The following TAF7L variants were observed in gnomAD, a reference collection of about 807,000 sequenced individuals.
The protein encoded by TAF7L is TATA-box binding protein associated factor 7 like.
TAF7L carries 6 observed loss-of-function variants against 30.2 expected under a neutral mutation model. The observed-to-expected ratio is 0.20, with a 90% CI of 0.11 to 0.39. The LOEUF (loss-of-function observed/expected upper bound fraction) is 0.39. TAF7L is among the 10% of genes least tolerant of loss of function. The pLI is 1.00. For synonymous variants in TAF7L, 93 were observed against 94.5 expected (o/e 0.98, Z 0.09); for missense variants, 284 against 277.1 (o/e 1.03, Z -0.18).
upstream of TAF7L, chrX:101,292,869 G>A: frequency 8.3e-7 from 1 of 1,211,641 alleles, no homozygotes; most frequent in Non-Finnish European, 1.1e-6. Flanking sequence ...TGTCCTCGTC[G>A]GCAGGAATCT....
At position 101,279,045 on chromosome X, in the gene TAF7L, A is replaced by G; in HGVS notation, c.463-10T>C. 8.4e-7 allele frequency: 1 copy of G among 1,185,385 alleles called. No individual in the cohort carries two copies. The highest frequency in any genetic ancestry group is 1.1e-6 in the Non-Finnish European group (1 of 872,707). The stretch of plus-strand genomic sequence containing the variant: ...CTTTGACATCAGGGACCTATGAAAT[A>G]AAACACAATAAACAAGTTATATTAT... On this transcript the variant is annotated splice_polypyrimidine_tract_variant and intron_variant, in intron 6 of 12. Coordinates refer to ENST00000356784, the MANE Select transcript of TAF7L (RefSeq NM_001168474.2).
upstream of TAF7L, among the ~76,000 whole-genome samples, chrX:101,291,638 G>A (rs904359835): frequency 9.0e-6 from 1 of 110,976 alleles, no homozygotes; most frequent in Admixed American, 9.5e-5. Context: ...AGGCCAAGGC[G>A]GGCAGATCTC....
upstream of TAF7L, chrX:101,291,352 T>A: frequency 1.4e-6 from 1 of 726,816 alleles, no homozygotes; most frequent in Non-Finnish European, 1.6e-6. Context: ...TGCCGGCGCC[T>A]GGACAGTAAA....
chrX:101,279,546 G>A (rs192651635), intron 6 of TAF7L, among the ~76,000 whole-genome samples: 17 of 111,230 alleles, frequency 1.5e-4, no homozygotes, highest in African/African-American at 4.6e-4. Flanking sequence ...GCTTGAACCC[G>A]GGAGGCAGAG....
At chrX:101,289,065 C>T (rs962599027) in intron 1 of TAF7L, among the ~76,000 whole-genome samples, 3 of 111,990 alleles carry the variant, frequency 2.7e-5, no homozygotes, top group East Asian at 5.5e-4. Context: ...CCTCCCGCTA[C>T]TCCAGCCTGT....
chrX:101,280,176 T>C (rs1924362426), intron 6 of TAF7L, among the ~76,000 whole-genome samples: 1 of 111,440 alleles, frequency 9.0e-6, no homozygotes, highest in African/African-American at 3.3e-5. Context: ...CTAAAAACTT[T>C]TGCTCTCTGA....
At chrX:101,275,407 C>A in intron 11 of TAF7L, 126 bp from the exon 12 acceptor site, 2 of 490,139 alleles carry the variant, frequency 4.1e-6, no homozygotes, top group South Asian at 7.5e-5. Flanking sequence ...CTTCCTCTGT[C>A]ACCCAGGCTG....
chrX:101,282,318 G>A lies in TAF7L; in HGVS notation c.406+9C>T. The A allele has an allele frequency of 1.7e-6, 2 of 1,210,827 alleles. No individual in the cohort carries two copies. Among genetic ancestry groups the A allele is most frequent in the South Asian group, 3.5e-5 (2 of 56,881 alleles). On this transcript the variant is annotated intron_variant, in intron 5 of 12. Coordinates refer to ENST00000356784, the MANE Select transcript of TAF7L (RefSeq NM_001168474.2). ...GTCAGCAGGAATGAGCAAGGGGCTG[G>A]TGACTTACTGCCATGCTTCCAGACA...
At position 101,281,654 on chromosome X, in the gene TAF7L, C is replaced by CT. The variant is rs780186802; in HGVS notation, c.462+65dup. 13 of 1,043,680 alleles carry CT rather than the reference C, an allele frequency of 1.2e-5. No homozygotes were observed. In the Admixed American group the frequency reaches 2.6e-4, roughly 21 times the overall value. 86.0% of individuals were successfully genotyped at this position (1,043,680 alleles called of 1,213,427 possible). On this transcript the variant is annotated intron_variant, in intron 6 of 12. Coordinates refer to ENST00000356784, the MANE Select transcript of TAF7L (RefSeq NM_001168474.2). ...AATTAATTCCCAACTGACTTTTTCT[C>CT]TTTTCTTCTGGCCCATGATCCTCTT...
intron 6 of TAF7L, among the ~76,000 whole-genome samples, chrX:101,281,276 T>C (rs1358939448): frequency 8.9e-6 from 1 of 112,207 alleles, no homozygotes; most frequent in Non-Finnish European, 1.9e-5. Context: ...TATATGAATT[T>C]ACAATTATTT....
intron 3 of TAF7L, 78 bp from the exon 4 acceptor site, chrX:101,283,661 T>A: frequency 1.9e-6 from 2 of 1,058,872 alleles, no homozygotes; most frequent in Non-Finnish European, 2.6e-6. Context: ...AATGAAGACT[T>A]ATGTGGGACA....
At chrX:101,279,623 AAAATAAAT>A (rs56910047) in intron 6 of TAF7L, among the ~76,000 whole-genome samples, 3 of 109,134 alleles carry the variant, frequency 2.7e-5, no homozygotes, top group South Asian at 3.8e-4. Flanking sequence ...TCCATCTCAA[AAAATAAAT>A]AAATAAATAA....
chrX:101,285,202 A>T (rs1569511651), intron 3 of TAF7L, among the ~76,000 whole-genome samples: 2 of 111,175 alleles, frequency 1.8e-5, no homozygotes, highest in African/African-American at 6.5e-5. Context: ...TTTAAAAAAA[A>T]TAATGGCTGT....
At chrX:101,276,979 A>C (rs34681875) in intron 9 of TAF7L, among the ~76,000 whole-genome samples, 38,072 of 104,169 alleles carry the variant, frequency 0.37, 5,300 homozygotes, top group African/African-American at 0.4. Context: ...ACAAAAAAAA[A>C]AAAAAGAAAA....
chrX:101,285,028 C>A (rs1402751984), intron 3 of TAF7L, among the ~76,000 whole-genome samples: 1 of 110,918 alleles, frequency 9.0e-6, no homozygotes, highest in African/African-American at 3.3e-5. Context: ...AGGTTGATTC[C>A]ATATCTTGGC....
At chrX:101,269,590 A>C (rs1476414716) in intron 12 of TAF7L, among the ~76,000 whole-genome samples, 2 of 111,856 alleles carry the variant, frequency 1.8e-5, no homozygotes, top group Non-Finnish European at 3.8e-5. Flanking sequence ...GGCAAGGAGG[A>C]GCAAGTCATA....
rs1455059236 is a variant in TAF7L, at chrX:101,275,252, A to G, written c.1056T>C (p.Leu352=). The G allele has an allele frequency of 2.5e-6, 3 of 1,191,376 alleles. No individual in the cohort carries two copies. Among genetic ancestry groups the G allele is most frequent in the Non-Finnish European group, 3.4e-6 (3 of 884,561 alleles). Residue 352 remains leucine, a synonymous_variant, in exon 12 of 13, where the codon CTT becomes CTC. Coordinates refer to ENST00000356784, the MANE Select transcript of TAF7L (RefSeq NM_001168474.2). The part of the protein sequence containing the change: ...KNHFQSVLEQ[L]ELQEKQKNEK... ...CATTTTTTTGTTTTTCCTGTAACTCAAGCTGCTCCAGCACAGACTGAAAAT... is the reference window on the plus strand; with the variant it reads ...CATTTTTTTGTTTTTCCTGTAACTCGAGCTGCTCCAGCACAGACTGAAAAT...
rs150756254 is a variant in TAF7L, at chrX:101,282,765, G to A, written c.280-312C>T. On this transcript the variant is annotated intron_variant, in intron 4 of 12. Transcript: ENST00000356784. ...AAACAGATCTTGGAACTTAGCTTAG[G>A]TTTTTTGTTTTGTTTTTAGACAAAG... is the stretch of plus-strand genomic sequence containing the variant. 3.1e-3 allele frequency among the ~76,000 whole-genome samples: 340 copies of A among 110,390 alleles called. 3 individuals are homozygous for A. The highest frequency in any genetic ancestry group is 0.011 in the African/African-American group (321 of 30,381).
chrX:101,272,261 T>A (rs759894238), intron 12 of TAF7L, among the ~76,000 whole-genome samples: 18 of 112,020 alleles, frequency 1.6e-4, no homozygotes, highest in African/African-American at 5.2e-4. Context: ...TAATGATTCC[T>A]TCTCCTTCAA....
Sources: gnomAD v4.1 joint callset for allele counts (sites outside exome capture counted in the v4.1 genomes callset) on GRCh38, gnomAD v4.1.1 for gene constraint, MANE v1.5 for transcripts, NCBI Gene and HGNC (gene_info 2026-07-23, HGNC 2026-07-21) for gene names.